HOOK3: variants seen among roughly 807,000 people sequenced by gnomAD.
HOOK3 encodes the protein protein Hook homolog 3.
HOOK3 carries 24 observed loss-of-function variants against 116.3 expected under a neutral mutation model. The observed-to-expected ratio is 0.21, with a 90% CI of 0.15 to 0.29. The LOEUF (loss-of-function observed/expected upper bound fraction) is 0.29, where lower values mean the gene tolerates loss of function less well. Among genes scored for constraint, HOOK3 ranks in the 10% least tolerant of loss-of-function variants. The probability of loss-of-function intolerance (pLI) is 1.00; values close to 1 mark genes in which losing one functional copy is unlikely to be tolerated. For missense variants in HOOK3, 632 were observed against 830.2 expected (o/e 0.76, Z 2.93); for synonymous variants, 275 against 283.0 (o/e 0.97, Z 0.28).
intron 1 of HOOK3, among the ~76,000 whole-genome samples, chr8:42,903,721 G>A (rs1807243107): frequency 1.1e-5 from 1 of 87,466 alleles, no homozygotes; most frequent in Non-Finnish European, 2.3e-5. Flanking sequence ...ACTTTGGGAG[G>A]CTAAGGCGGG....
chr8:42,981,273 G>C (rs951476756), intron 13 of HOOK3, among the ~76,000 whole-genome samples: 3 of 151,480 alleles, frequency 2.0e-5, no homozygotes, highest in African/African-American at 7.3e-5. Context: ...GGCTGGTCTC[G>C]AGCTCCTGAG....
rs1200217258 is a variant in HOOK3, at chr8:42,973,213, T to C, written c.1123-76T>C. 4.7e-6 allele frequency: 7 copies of C among 1,491,986 alleles called. No homozygotes were observed. The East Asian group carries it at 1.4e-4, about 29-fold the overall frequency. The allele number at this position is 1,491,986 out of a possible 1,614,324, so 92.4% of individuals were successfully genotyped here. ...CTGGTGGGAGAGATTTTGGTTTTCT[T>C]AAACCTGTAGAAGAAAATAAGGATA... On this transcript the variant is annotated intron_variant, in intron 11 of 21. Coordinates refer to ENST00000307602, the MANE Select transcript of HOOK3 (RefSeq NM_032410.4).
intron 2 of HOOK3, among the ~76,000 whole-genome samples, chr8:42,922,881 A>C (rs1444604155): frequency 1.5e-5 from 2 of 134,092 alleles, no homozygotes; most frequent in African/African-American, 6.4e-5. Flanking sequence ...CTCTGTCTCA[A>C]AAAAAAAAAA....
chr8:43,021,443 A>G lies in HOOK3; in HGVS notation c.*2945A>G, dbSNP rs1809827323. ...CTCAGCCTCCAGAGTAGCTGGGATT[A>G]CAGGTGCCCACCACCATGGCTGGCT... On this transcript the variant is annotated 3_prime_UTR_variant, in exon 22 of 22. Coordinates refer to ENST00000307602, the MANE Select transcript of HOOK3 (RefSeq NM_032410.4). 1 of 170,666 alleles carries G rather than the reference A, an allele frequency of 5.9e-6. No individual in the cohort carries two copies. The highest frequency in any genetic ancestry group is 6.5e-5 in the Admixed American group (1 of 15,498). The allele number at this position is 170,666 out of a possible 1,614,324, so 10.6% of individuals were successfully genotyped here.
chr8:42,918,150 CA>C (rs1807567785), intron 2 of HOOK3, among the ~76,000 whole-genome samples: 1 of 152,110 alleles, frequency 6.6e-6, no homozygotes, highest in South Asian at 2.1e-4. Flanking sequence ...CCAGCCTGGC[CA>C]ACATGGTGAA....
At position 42,967,974 on chromosome 8, in the gene HOOK3, A is replaced by G. The variant is rs535478966; in HGVS notation, c.921-39A>G. The G allele has an allele frequency of 5.4e-6, 6 of 1,106,342 alleles. No individual in the cohort carries two copies. In the South Asian group the frequency reaches 6.4e-5, roughly 12 times the overall value. The allele number at this position is 1,106,342 out of a possible 1,614,324, so 68.5% of individuals were successfully genotyped here. ...CACTGAAACAACTTTACAAGTGTGGATGTGTTTCTGATTTTTTTAATTTCC... is the reference window on the plus strand; with the variant it reads ...CACTGAAACAACTTTACAAGTGTGGGTGTGTTTCTGATTTTTTTAATTTCC... On this transcript the variant is annotated intron_variant, in intron 10 of 21. Transcript: ENST00000307602.
At chr8:42,926,355 C>T (rs77879627) in intron 3 of HOOK3, among the ~76,000 whole-genome samples, 3,638 of 152,234 alleles carry the variant, frequency 0.024, 147 homozygotes, top group African/African-American at 0.083. Context: ...GTGCAATCTT[C>T]GCTCACTGCA....
intron 5 of HOOK3, among the ~76,000 whole-genome samples, chr8:42,947,925 T>C (rs1210899604): frequency 1.3e-5 from 2 of 152,156 alleles, no homozygotes; most frequent in Non-Finnish European, 2.9e-5. Context: ...TTTAAATGTG[T>C]TTCCTAATTA....
chr8:43,011,031 C>T (rs559135994), intron 19 of HOOK3, among the ~76,000 whole-genome samples: 9 of 151,374 alleles, frequency 5.9e-5, no homozygotes, highest in African/African-American at 9.7e-5. Context: ...CTCGCTCTGT[C>T]GCCCAGGCTG....
intron 4 of HOOK3, among the ~76,000 whole-genome samples, 158 bp downstream of exon 4, chr8:42,930,330 TGTCA>T (rs941325881): frequency 3.3e-5 from 5 of 152,246 alleles, no homozygotes; most frequent in Non-Finnish European, 5.9e-5. Flanking sequence ...ACCAACCATC[TGTCA>T]GTCAGTTAAT....
At chr8:42,916,711 A>C (rs1807540469) in intron 2 of HOOK3, among the ~76,000 whole-genome samples, 1 of 152,150 alleles carries the variant, frequency 6.6e-6, no homozygotes, top group Non-Finnish European at 1.5e-5. Context: ...GTCACTAATC[A>C]ATGCTATTTC....
At chr8:42,958,920 A>G (rs1808487281) in intron 7 of HOOK3, among the ~76,000 whole-genome samples, 1 of 152,204 alleles carries the variant, frequency 6.6e-6, no homozygotes, top group South Asian at 2.1e-4. Context: ...TGAAGGTAAA[A>G]TTTCTCAGTT....
chr8:42,928,569 A>G (rs567700734), intron 3 of HOOK3, among the ~76,000 whole-genome samples: 50 of 152,302 alleles, frequency 3.3e-4, no homozygotes, highest in African/African-American at 1.1e-3. Context: ...AGAGTTGTAT[A>G]TCTCCTCCCA....
chr8:42,976,044 G>A (rs1409733632), intron 13 of HOOK3, among the ~76,000 whole-genome samples: 1 of 148,672 alleles, frequency 6.7e-6, no homozygotes, highest in African/African-American at 2.5e-5. Flanking sequence ...ATATATATGT[G>A]TGTGTGTGTG....
chr8:42,900,158 A>G (rs768436978), intron 1 of HOOK3, among the ~76,000 whole-genome samples: 13 of 152,190 alleles, frequency 8.5e-5, no homozygotes, highest in Non-Finnish European at 1.8e-4. Flanking sequence ...AGAGTTAAGT[A>G]TCATCTTACC....
At chr8:42,907,312 A>G (rs534442774) in intron 2 of HOOK3, among the ~76,000 whole-genome samples, 1 of 152,340 alleles carries the variant, frequency 6.6e-6, no homozygotes, top group East Asian at 1.9e-4. Context: ...CCAACATTTC[A>G]GATTATCTGT....
intron 3 of HOOK3, among the ~76,000 whole-genome samples, chr8:42,925,904 T>C (rs1395005599): frequency 6.6e-6 from 1 of 152,196 alleles, no homozygotes; most frequent in Non-Finnish European, 1.5e-5. Context: ...TGTTGTGACC[T>C]TCCTTTGCCT....
At chr8:42,906,427 AAGTTTAATAAGGGCTGTGATTGTGTT>A (rs1807312502) in intron 2 of HOOK3, among the ~76,000 whole-genome samples, 169 bp downstream of exon 2, 1 of 152,198 alleles carries the variant, frequency 6.6e-6, no homozygotes, top group Non-Finnish European at 1.5e-5. Context: ...ATTGGGTTGC[AAGTTTAATAAGGGCTGTGATTGTGTT>A]AGTACTCTAA....
At chr8:42,933,789 AATC>A (rs1563294530) in intron 4 of HOOK3, among the ~76,000 whole-genome samples, 1 of 152,152 alleles carries the variant, frequency 6.6e-6, no homozygotes, top group Non-Finnish European at 1.5e-5. Context: ...TGTATTTTGA[AATC>A]ATTGCTCCAT....
Sources: allele counts gnomAD v4.1 joint callset (sites outside exome capture counted in the v4.1 genomes callset), GRCh38; gene constraint gnomAD v4.1.1; transcripts MANE v1.5; gene names NCBI Gene and HGNC (gene_info 2026-07-23, HGNC 2026-07-21).